Variants in UBA5 observed in about 807,000 individuals in gnomAD.
The protein encoded by UBA5 is ubiquitin-like modifier-activating enzyme 5.
Under a neutral mutation model 52.9 loss-of-function variants are expected in UBA5, and 28 were observed. The observed-to-expected ratio is 0.53, with a 90% CI of 0.39 to 0.73. UBA5 has a LOEUF of 0.73. Among genes scored for constraint, UBA5 ranks in the 30% least tolerant of loss-of-function variants. UBA5 has a pLI of 0.00. For missense variants in UBA5, 388 were observed against 492.7 expected (o/e 0.79, Z 2.01); for synonymous variants, 135 against 162.1 (o/e 0.83, Z 1.27).
At position 132,677,192 on chromosome 3, in the gene UBA5, A is replaced by C. The variant is rs117833716; in HGVS notation, c.*666A>C. ...AAGCAGCTATTTTCATGAATAGACA[A>C]AGTTGATTTCAGGAAGTATAAATTA... On this transcript the variant is annotated 3_prime_UTR_variant, in exon 12 of 12. Coordinates refer to ENST00000356232, the MANE Select transcript of UBA5 (RefSeq NM_024818.6). 9.2e-5 allele frequency: 18 copies of C among 195,086 alleles called. No homozygotes were observed. The East Asian group carries it at 2.1e-3, about 23-fold the overall frequency. The allele number at this position is 195,086 out of a possible 1,614,324, so 12.1% of individuals were successfully genotyped here.
intron 1 of UBA5, among the ~76,000 whole-genome samples, chr3:132,654,842 T>G (rs1290756584): frequency 6.6e-6 from 1 of 152,208 alleles, no homozygotes; most frequent in African/African-American, 2.4e-5. Flanking sequence ...AGCATTTAAT[T>G]GGCACTGATT....
upstream of UBA5, among the ~76,000 whole-genome samples, chr3:132,656,001 C>A (rs73860788): frequency 1.3e-5 from 2 of 152,158 alleles, no homozygotes; most frequent in African/African-American, 2.4e-5. Context: ...ATTTTCACTA[C>A]CCGGAGAAAA....
chr3:132,667,608 G>A (rs185040231), intron 3 of UBA5: 2 of 152,284 alleles, frequency 1.3e-5, no homozygotes, highest in East Asian at 3.9e-4. Context: ...GAAACCCAGA[G>A]TCCATTTCTT....
chr3:132,660,214 C>T, upstream of UBA5: 1 of 450,576 alleles, frequency 2.2e-6, no homozygotes, highest in Non-Finnish European at 3.9e-6. The surrounding 1 kb of genome is among the most constrained non-coding windows in gnomAD (Gnocchi z 4.1). Flanking sequence ...ACATCGCTGG[C>T]CTCCTGCCCT....
upstream of UBA5, among the ~76,000 whole-genome samples, chr3:132,656,719 C>T (rs1397823678): frequency 6.6e-6 from 1 of 151,998 alleles, no homozygotes; most frequent in Non-Finnish European, 1.5e-5. Context: ...GTCTCGAACT[C>T]GACCTCTGGT....
At position 132,670,986 on chromosome 3, in the gene UBA5, A is replaced by G. The variant is rs529238513; in HGVS notation, c.516A>G (p.Gly172=). The G allele has an allele frequency of 6.2e-7, 1 of 1,613,426 alleles. No homozygotes were observed. The highest frequency in any genetic ancestry group is 1.1e-5 in the South Asian group (1 of 91,064). ...CTAGTAATGGTGGGTTAGAAGAAGG[A>G]AAACCTGTTGATCTAGTTCTTAGCT... ...DRISNGGLEE[G]KPVDLVLSCV... Residue 172 remains glycine, a synonymous_variant, in exon 6 of 12, where the codon GGA becomes GGG. Coordinates refer to ENST00000356232, the MANE Select transcript of UBA5 (RefSeq NM_024818.6).
intron 1 of UBA5, among the ~76,000 whole-genome samples, chr3:132,665,467 G>C (rs1434390129): frequency 6.6e-6 from 1 of 152,122 alleles, no homozygotes; most frequent in Non-Finnish European, 1.5e-5. Context: ...TGATGATGGA[G>C]ATCTGAGTGT....
At chr3:132,658,453 T>C (rs1482941780), upstream of UBA5, among the ~76,000 whole-genome samples, 1 of 152,250 alleles carries the variant, frequency 6.6e-6, no homozygotes, top group Non-Finnish European at 1.5e-5. Flanking sequence ...TATGTACCTC[T>C]TCAACACTCC....
rs1249598990 is a variant in UBA5 at position 132,660,506 on chromosome 3, G to A, written c.-32G>A. ...GGGCGAAGGCGGCGGCGAAGGCCCG[G>A]GCTGGGAGCGTTGGCGGCCGGAGTC... On this transcript the variant is annotated 5_prime_UTR_variant, in exon 1 of 12. Coordinates refer to ENST00000356232, the MANE Select transcript of UBA5 (RefSeq NM_024818.6). This position sits in a 1 kb window ranked among gnomAD's most constrained non-coding sequence, Gnocchi z 4.1. The A allele has an allele frequency of 6.5e-7, 1 of 1,545,714 alleles. No individual in the cohort carries two copies. The highest frequency in any genetic ancestry group is 8.7e-7 in the Non-Finnish European group (1 of 1,146,378).
At position 132,670,959 on chromosome 3, in the gene UBA5, G is replaced by T; in HGVS notation, c.495-6G>T. 6.2e-7 allele frequency: 1 copy of T among 1,611,608 alleles called. No individual in the cohort carries two copies. Among genetic ancestry groups the T allele is most frequent in the South Asian group, 1.1e-5 (1 of 90,930 alleles). On this transcript the variant is annotated splice_polypyrimidine_tract_variant and splice_region_variant and intron_variant, in intron 5 of 11. Transcript: ENST00000356232. The stretch of plus-strand genomic sequence containing the variant: ...GATGTTTTTCAAACTTATTTTCTTT[G>T]ACTAGTAATGGTGGGTTAGAAGAAG...
upstream of UBA5, chr3:132,659,375 A>G (rs1938000071): frequency 1.8e-6 from 1 of 549,838 alleles, no homozygotes; most frequent in African/African-American, 2.0e-5. Flanking sequence ...TCCTTTGGAT[A>G]GTAGAATGGT....
At chr3:132,669,978 CTT>C (rs1167751924) in intron 4 of UBA5, among the ~76,000 whole-genome samples, 1 of 152,158 alleles carries the variant, frequency 6.6e-6, no homozygotes, top group Non-Finnish European at 1.5e-5. Flanking sequence ...TCTTTCATCT[CTT>C]TTCCTCACAG....
Position 132,672,121 on chromosome 3 carries a change from C to T in UBA5, c.756C>T (p.Ala252=). 6.2e-7 allele frequency: 1 copy of T among 1,613,940 alleles called. No individual in the cohort carries two copies. Among genetic ancestry groups the T allele is most frequent in the Admixed American group, 1.7e-5 (1 of 59,998 alleles). The change falls in exon 8 of 12, where the codon GCC becomes GCT. Residue 252 remains alanine, a synonymous_variant. Transcript: ENST00000356232. ...KTLKREGVCA[A]SLPTTMGVVA... ...TGAAACGAGAAGGTGTTTGTGCAGC[C>T]AGTCTTCCTACCACTATGGGTGTGG...
chr3:132,666,186 T>G, intron 3 of UBA5, 113 bp downstream of exon 3: 1 of 802,580 alleles, frequency 1.2e-6, no homozygotes, highest in Non-Finnish European at 2.1e-6. Flanking sequence ...TGCAGTGTAT[T>G]AATCTAGATT....
At chr3:132,671,603 T>C (rs1938605560) in intron 6 of UBA5, among the ~76,000 whole-genome samples, 174 bp from the exon 7 acceptor site, 1 of 152,194 alleles carries the variant, frequency 6.6e-6, no homozygotes, top group African/African-American at 2.4e-5. Flanking sequence ...CACTCTACTC[T>C]TTAAATAGAG....
intron 6 of UBA5, 29 bp from the exon 7 acceptor site, chr3:132,671,748 T>C: frequency 1.3e-6 from 2 of 1,530,344 alleles, no homozygotes; most frequent in Non-Finnish European, 1.8e-6. Context: ...TTATTTTTTT[T>C]CCTTATGTTT....
rs78551370 is a variant in UBA5, at chr3:132,665,431, A to G, written c.162-392A>G. 9.4e-3 allele frequency among the ~76,000 whole-genome samples: 1,438 copies of G among 152,244 alleles called. 24 individuals carry two copies. The highest frequency in any genetic ancestry group is 0.033 in the African/African-American group (1,356 of 41,572). ...TATTGTGGGCAGAGGCAACAAGAGA[A>G]TGGAATTCCAGCCATGAATTTACTC... On this transcript the variant is annotated intron_variant, in intron 1 of 11. Coordinates refer to ENST00000356232, the MANE Select transcript of UBA5 (RefSeq NM_024818.6).
chr3:132,661,146 T>G, intron 1 of UBA5: 2 of 1,030,542 alleles, frequency 1.9e-6, no homozygotes, highest in South Asian at 3.0e-5. Context: ...ATTCGGGTGC[T>G]CCTTAACATC....
chr3:132,655,002 T>C (rs995049596), intron 1 of UBA5, among the ~76,000 whole-genome samples: 2 of 152,210 alleles, frequency 1.3e-5, no homozygotes, highest in African/African-American at 4.8e-5. Flanking sequence ...AGGCAATTAA[T>C]TGTAACAAAA....
Sources: gnomAD v4.1 joint callset for allele counts (sites outside exome capture counted in the v4.1 genomes callset) on GRCh38, gnomAD v4.1.1 for gene constraint, Gnocchi (gnomAD v3.1) non-coding constraint, MANE v1.5 for transcripts, NCBI Gene and HGNC (gene_info 2026-07-23, HGNC 2026-07-21) for gene names.